Variants in SYTL5 observed in about 807,000 individuals in gnomAD.
SYTL5 encodes the protein synaptotagmin like 5.
In SYTL5, 34 loss-of-function variants were observed where a neutral mutation model predicts 55.9. The observed-to-expected ratio is 0.61, with a 90% CI of 0.46 to 0.81. The LOEUF (loss-of-function observed/expected upper bound fraction) is 0.81. SYTL5 is among the 30% of genes least tolerant of loss of function. SYTL5 has a pLI of 0.00. For synonymous variants in SYTL5, 221 were observed against 188.7 expected, an observed-to-expected ratio of 1.17 and a Z score of -1.40; for missense variants, 637 against 546.7, an observed-to-expected ratio of 1.17 and a Z score of -1.65.
At chrX:37,963,641 G>T in the SYTL5 span, among the ~76,000 whole-genome samples, 1 of 111,562 alleles carries the variant, frequency 9.0e-6, no homozygotes, top group East Asian at 2.8e-4. Context: ...GTTTATTCTG[G>T]AGTATTTAGG....
intron 2 of SYTL5, among the ~76,000 whole-genome samples, chrX:38,039,450 A>G (rs1174970317): frequency 8.9e-6 from 1 of 112,283 alleles, no homozygotes; most frequent in African/African-American, 3.2e-5. Context: ...ATTGCTTTTC[A>G]TTTACTTCAA....
intron 1 of SYTL5, among the ~76,000 whole-genome samples, chrX:38,018,517 A>G (rs1287833656): frequency 1.8e-5 from 2 of 111,587 alleles, no homozygotes; most frequent in East Asian, 2.8e-4. Context: ...TTGTTGCACC[A>G]TAAGTATCCG....
chrX:37,929,547 G>A, the SYTL5 span, among the ~76,000 whole-genome samples: 1 of 111,967 alleles, frequency 8.9e-6, no homozygotes, highest in East Asian at 2.8e-4. Flanking sequence ...ATCAACTATT[G>A]TTGAGATAAG....
At chrX:38,042,334 G>T (rs1174230377) in intron 2 of SYTL5, among the ~76,000 whole-genome samples, 5 of 110,588 alleles carry the variant, frequency 4.5e-5, no homozygotes. Flanking sequence ...GGCTAAAGTT[G>T]GCCTTGTGGA....
At chrX:38,115,179 G>A (rs758056674) in intron 13 of SYTL5, among the ~76,000 whole-genome samples, 2 of 111,297 alleles carry the variant, frequency 1.8e-5, no homozygotes, top group East Asian at 2.8e-4. Flanking sequence ...GGAGTGTAGA[G>A]ATCTCTTTAA....
At chrX:38,097,013 C>A (rs1437874651) in intron 9 of SYTL5, among the ~76,000 whole-genome samples, 2 of 111,282 alleles carry the variant, frequency 1.8e-5, no homozygotes, top group Non-Finnish European at 3.8e-5. Context: ...TATTCGTGAT[C>A]TTAGAAAACC....
intron 1 of SYTL5, among the ~76,000 whole-genome samples, chrX:38,032,445 C>T (rs1569161555): frequency 9.0e-6 from 1 of 111,123 alleles, no homozygotes; most frequent in Non-Finnish European, 1.9e-5. Context: ...TTACAATATA[C>T]AATACATACC....
intron 1 of SYTL5, among the ~76,000 whole-genome samples, chrX:38,027,464 C>A (rs1400188605): frequency 1.3e-4 from 15 of 111,230 alleles, no homozygotes; most frequent in African/African-American, 3.9e-4. Flanking sequence ...CAGGAATAAG[C>A]AGGGTCAGTC....
intron 15 of SYTL5, among the ~76,000 whole-genome samples, chrX:38,123,135 T>C (rs771119969): frequency 8.1e-5 from 9 of 111,476 alleles, no homozygotes; most frequent in African/African-American, 2.9e-4. Flanking sequence ...TTTGTTGTTG[T>C]TGTTTGTTTT....
chrX:38,048,527 C>CA (rs201459563), intron 2 of SYTL5, among the ~76,000 whole-genome samples: 5,488 of 67,003 alleles, frequency 0.082, 163 homozygotes, highest in Middle Eastern at 0.17. Context: ...GGGCAATTTA[C>CA]AAAAAAAAAA....
intron 3 of SYTL5, among the ~76,000 whole-genome samples, chrX:38,071,220 A>G (rs1367101918): frequency 2.7e-5 from 3 of 111,805 alleles, no homozygotes; most frequent in African/African-American, 9.7e-5. Context: ...GCTATAAGTA[A>G]TGGGAGAAGT....
chrX:37,932,354 A>G, the SYTL5 span, among the ~76,000 whole-genome samples: 1 of 111,688 alleles, frequency 9.0e-6, no homozygotes, highest in Non-Finnish European at 1.9e-5. Flanking sequence ...CTTTAAAGAG[A>G]TGGGTAAACC....
At chrX:37,959,951 T>C in the SYTL5 span, among the ~76,000 whole-genome samples, 1 of 111,761 alleles carries the variant, frequency 8.9e-6, no homozygotes, top group Non-Finnish European at 1.9e-5. Context: ...AATTAGCACT[T>C]CATGGATGCT....
the SYTL5 span, among the ~76,000 whole-genome samples, chrX:37,975,588 A>G: frequency 8.9e-6 from 1 of 111,758 alleles, no homozygotes; most frequent in Non-Finnish European, 1.9e-5. Context: ...GTTGGTGTCC[A>G]TGGATTTATC....
the SYTL5 span, among the ~76,000 whole-genome samples, chrX:37,962,890 A>C: frequency 8.9e-6 from 1 of 111,752 alleles, no homozygotes; most frequent in Non-Finnish European, 1.9e-5. Context: ...TTACGTCCCA[A>C]AGGCGCCACC....
intron 9 of SYTL5, among the ~76,000 whole-genome samples, chrX:38,099,834 T>A (rs1306099932): frequency 1.8e-5 from 2 of 111,732 alleles, no homozygotes; most frequent in Admixed American, 1.9e-4. Context: ...GATGATCATA[T>A]GGGTTTTATC....
the SYTL5 span, among the ~76,000 whole-genome samples, chrX:37,999,202 A>G: frequency 2.7e-5 from 3 of 112,689 alleles, no homozygotes; most frequent in Admixed American, 2.8e-4. Context: ...GCAGCCAATC[A>G]GTAATAAAAA....
the SYTL5 span, among the ~76,000 whole-genome samples, chrX:37,978,557 A>T: frequency 8.9e-6 from 1 of 112,078 alleles, no homozygotes; most frequent in East Asian, 2.8e-4. Flanking sequence ...ATTGAGCATG[A>T]TTTAATTTTC....
the SYTL5 span, among the ~76,000 whole-genome samples, chrX:37,923,956 T>G: frequency 9.0e-6 from 1 of 111,406 alleles, no homozygotes; most frequent in African/African-American, 3.3e-5. Flanking sequence ...TTTCATTCAG[T>G]TAAGTATTTA....
Sources: allele counts gnomAD v4.1 joint callset (sites outside exome capture counted in the v4.1 genomes callset), GRCh38; gene constraint gnomAD v4.1.1; transcripts MANE v1.5; gene names NCBI Gene and HGNC (gene_info 2026-07-23, HGNC 2026-07-21).